Variants in HLA-DOA observed in about 807,000 individuals in gnomAD.
HLA-DOA encodes HLA class II histocompatibility antigen, DO alpha chain.
HLA-DOA carries 27 observed loss-of-function variants against 22.9 expected under a neutral mutation model. The ratio of observed to expected loss-of-function variants is 1.18; its 90% CI spans 0.87 to 1.62. The LOEUF is 1.62. HLA-DOA is among the 40% of genes most tolerant of loss of function. The pLI is 0.00. For synonymous variants in HLA-DOA, 137 were observed against 138.6 expected, an observed-to-expected ratio of 0.99 and a Z score of 0.08; for missense variants, 324 against 332.4, an observed-to-expected ratio of 0.97 and a Z score of 0.20.
chr6:33,007,017 C>G (rs1050456383), intron 4 of HLA-DOA, 63 bp downstream of exon 4: 21 of 1,559,824 alleles, frequency 1.3e-5, no homozygotes, highest in Middle Eastern at 1.7e-4. Flanking sequence ...ATTCTCCACC[C>G]ACGTCCTGTT....
rs753401888 is a variant in HLA-DOA at position 33,006,841 on chromosome 6, C to A, written c.750G>T (p.Arg250Ser). 4.3e-6 allele frequency: 7 copies of A among 1,610,596 alleles called. No homozygotes were observed. Among genetic ancestry groups the A allele is most frequent in the Non-Finnish European group, 5.1e-6 (6 of 1,177,946 alleles). The change falls in exon 5 of 5, where the codon AGG becomes AGT. Residue 250 changes from arginine to serine, a missense_variant and splice_region_variant. Coordinates refer to ENST00000229829, the MANE Select transcript of HLA-DOA (RefSeq NM_002119.4). ...GTCATTTCTCTCAGAAGGATCATTA[C>A]CTAAAATAGCAGAAAACATACGATC... ...IMGTYVSSVP[R>S] is the part of the protein sequence containing the mutation.
intron 1 of HLA-DOA, 29 bp from the exon 2 acceptor site, chr6:33,008,290 G>C: frequency 6.2e-7 from 1 of 1,602,592 alleles, no homozygotes; most frequent in Non-Finnish European, 8.5e-7. Flanking sequence ...GGGTCAAGGA[G>C]AGAGAAAAAA....
At position 33,008,186 on chromosome 6, in the gene HLA-DOA, T is replaced by C; in HGVS notation, c.158A>G (p.Asp53Gly). 2 of 1,613,048 alleles carry C rather than the reference T, an allele frequency of 1.2e-6. No individual in the cohort carries two copies. Among genetic ancestry groups the C allele is most frequent in the Non-Finnish European group, 1.7e-6 (2 of 1,180,016 alleles). ...GTCCACAGAGAACAGCTGTTCCTCA[T>C]CAAATTCATGGGTGAACTGGCCCGA... ...GASGQFTHEF[D>G]EEQLFSVDLK... The change falls in exon 2 of 5, where the codon GAT becomes GGT. Residue 53 changes from aspartate (D) to glycine (G), a missense_variant. Physicochemically the swap from Asp to Gly is moderately conservative, Grantham distance 94. Transcript: ENST00000229829.
chr6:33,007,235 G>A lies in HLA-DOA; in HGVS notation c.614-20C>T, dbSNP rs746169909. ...GGAGCTCTAGGAGAGAAAGGAAGGA[G>A]TTGGTGGTATATGAAAGGATTCTAG... On this transcript the variant is annotated intron_variant, in intron 3 of 4. Coordinates refer to ENST00000229829, the MANE Select transcript of HLA-DOA (RefSeq NM_002119.4). 2.5e-6 allele frequency: 4 copies of A among 1,613,644 alleles called. No individual in the cohort carries two copies. The highest frequency in any genetic ancestry group is 3.4e-6 in the Non-Finnish European group (4 of 1,180,034).
rs1164422510 is a variant in HLA-DOA, at chr6:33,007,057, C to T, written c.749+23G>A. 3 of 1,596,234 alleles carry T rather than the reference C, an allele frequency of 1.9e-6. No homozygotes were observed. In the East Asian group the frequency reaches 6.7e-5, roughly 36 times the overall value. On this transcript the variant is annotated intron_variant, in intron 4 of 4. Coordinates refer to ENST00000229829, the MANE Select transcript of HLA-DOA (RefSeq NM_002119.4). ...GTCATCCACTTTCCTCCCCCACCCC[C>T]CAGACTCCCGGGGCCTCTGCACCTG...
In HLA-DOA at chr6:33,007,212, A is replaced by G; in HGVS notation, c.617T>C (p.Leu206Pro). 9 of 1,613,776 alleles carry G rather than the reference A, an allele frequency of 5.6e-6. No individual in the cohort carries two copies. The highest frequency in any genetic ancestry group is 7.6e-6 in the Non-Finnish European group (9 of 1,180,022). Residue 206 changes from leucine to proline, a missense_variant, in exon 4 of 5, where the codon CTC (leucine) becomes CCC (proline). Physicochemically the swap from Leu to Pro is moderately conservative, Grantham distance 98. Coordinates refer to ENST00000229829, the MANE Select transcript of HLA-DOA (RefSeq NM_002119.4). ...LDAPLLRHWELQVPIPPPDAM... is the reference protein window; with the variant it reads ...LDAPLLRHWEPQVPIPPPDAM... The stretch of plus-strand genomic sequence containing the variant: ...ATCTGGTGGTGGAATAGGCACCTGG[A>G]GCTCTAGGAGAGAAAGGAAGGAGTT...
Position 33,007,142 on chromosome 6 carries a change from C to A in HLA-DOA, c.687G>T (p.Leu229=), listed in dbSNP as rs150627074. ...GGACGGTGCCCACGAGGAAGCCCAC[C>A]AGGCCGATGGCCAGGCCCAGGGCAC... is the stretch of plus-strand genomic sequence containing the variant. ...LVCALGLAIG[L]VGFLVGTVLI... is the part of the protein sequence containing the mutation. Residue 229 remains leucine (L), a synonymous_variant, in exon 4 of 5, where the codon CTG becomes CTT. Transcript: ENST00000229829. The A allele has an allele frequency of 6.2e-7, 1 of 1,613,942 alleles. No individual in the cohort carries two copies. Among genetic ancestry groups the A allele is most frequent in the East Asian group, 2.2e-5 (1 of 44,882 alleles).
In HLA-DOA at chr6:33,008,167, A is replaced by G. The variant is rs1582986182; in HGVS notation, c.177T>C (p.Ser59=). ...CGGCCTCGCTTTTCTTCAGGTCCAC[A>G]GAGAACAGCTGTTCCTCATCAAATT... ...THEFDEEQLF[S]VDLKKSEAVW... is the part of the protein sequence containing the mutation. Residue 59 remains serine (S), a synonymous_variant, in exon 2 of 5, where the codon TCT becomes TCC. Transcript: ENST00000229829. The G allele has an allele frequency of 1.2e-6, 2 of 1,613,094 alleles. No individual in the cohort carries two copies. Among genetic ancestry groups the G allele is most frequent in the South Asian group, 2.2e-5 (2 of 91,086 alleles).
chr6:33,007,911 G>A (rs1780892515), intron 2 of HLA-DOA, 102 bp downstream of exon 2: 2 of 1,434,488 alleles, frequency 1.4e-6, no homozygotes, highest in Non-Finnish European at 1.9e-6. Context: ...TGACAGGCGC[G>A]GGCGCTGAGA....
Position 33,008,000 on chromosome 6 carries a change from G to C in HLA-DOA, c.331+13C>G. On this transcript the variant is annotated intron_variant, in intron 2 of 4. Transcript: ENST00000229829. The stretch of plus-strand genomic sequence containing the variant: ...TTCCCGCCTGACTGGGTGGGCAGAG[G>C]GAGGGCCGGTACCGTTGATGGCTCT... 2 of 1,605,064 alleles carry C rather than the reference G, an allele frequency of 1.2e-6. No homozygotes were observed. Among genetic ancestry groups the C allele is most frequent in the Non-Finnish European group, 1.7e-6 (2 of 1,174,282 alleles).
At chr6:33,008,966 G>A (rs1780945811) in intron 1 of HLA-DOA, among the ~76,000 whole-genome samples, 1 of 152,100 alleles carries the variant, frequency 6.6e-6, no homozygotes, top group South Asian at 2.1e-4. Context: ...GAACTAGCAT[G>A]CACCCAGCAC....
In HLA-DOA at chr6:33,008,249, C is replaced by T. The variant is rs916016859; in HGVS notation, c.95G>A (p.Gly32Asp). The T allele has an allele frequency of 1.2e-6, 2 of 1,612,776 alleles. No individual in the cohort carries two copies. The highest frequency in any genetic ancestry group is 1.7e-6 in the Non-Finnish European group (2 of 1,179,958). ...EAGATKADHM[G>D]SYGPAFYQSY... ...CTGGTAGAAGGCGGGTCCGTAGGAG[C>T]CCATGTGGTCAGCTGTGTTTGGCGA... The change falls in exon 2 of 5, where the codon GGC (glycine) becomes GAC (aspartate). Residue 32 changes from glycine to aspartate, a missense_variant. Physicochemically the swap from Gly to Asp is moderately conservative, Grantham distance 94. Coordinates refer to ENST00000229829, the MANE Select transcript of HLA-DOA (RefSeq NM_002119.4).
chr6:33,007,129 C>G lies in HLA-DOA; in HGVS notation c.700G>C (p.Val234Leu). 1 of 1,613,824 alleles carries G rather than the reference C, an allele frequency of 6.2e-7. No individual in the cohort carries two copies. Among genetic ancestry groups the G allele is most frequent in the Non-Finnish European group, 8.5e-7 (1 of 1,180,002 alleles). Residue 234 changes from valine (V) to leucine (L), a missense_variant, in exon 4 of 5, where the codon GTG becomes CTG. Physicochemically the swap from Val to Leu is conservative, Grantham distance 32. Transcript: ENST00000229829. ...CCCATGATGATGAGGACGGTGCCCA[C>G]GAGGAAGCCCACCAGGCCGATGGCC... ...GLAIGLVGFL[V>L]GTVLIIMGTY...
At chr6:33,007,768 G>T in intron 2 of HLA-DOA, 176 bp from the exon 3 acceptor site, 2 of 840,138 alleles carry the variant, frequency 2.4e-6, no homozygotes, top group Non-Finnish European at 3.6e-6. Flanking sequence ...GAGGGAGTGG[G>T]GACGCCAGGA....
chr6:33,008,895 T>C (rs545528927), intron 1 of HLA-DOA, among the ~76,000 whole-genome samples: 1 of 152,190 alleles, frequency 6.6e-6, no homozygotes, highest in South Asian at 2.1e-4. Flanking sequence ...TTCTGGAAGT[T>C]AGGGATTAAG....
chr6:33,008,268 T>C lies in HLA-DOA; in HGVS notation c.83-7A>G. ...TAGGAGCCCATGTGGTCAGCTGTGT[T>C]TGGCGAGTTCAGGGTCAAGGAGAGA... On this transcript the variant is annotated splice_region_variant and splice_polypyrimidine_tract_variant and intron_variant, in intron 1 of 4. Coordinates refer to ENST00000229829, the MANE Select transcript of HLA-DOA (RefSeq NM_002119.4). 1.9e-6 allele frequency: 3 copies of C among 1,612,124 alleles called. No individual in the cohort carries two copies. The highest frequency in any genetic ancestry group is 2.5e-6 in the Non-Finnish European group (3 of 1,179,654).
rs1303154418 is a variant in HLA-DOA, at chr6:33,007,434, A to G, written c.490T>C (p.Tyr164His). The change falls in exon 3 of 5, where the codon TAT (tyrosine) becomes CAT (histidine). Residue 164 changes from tyrosine to histidine, a missense_variant. Transcript: ENST00000229829. ...VTEGVAQTSFYSQPDHLFRKF... is the reference protein window; with the variant it reads ...VTEGVAQTSFHSQPDHLFRKF... The stretch of plus-strand genomic sequence containing the variant: ...CGGAACAAATGGTCAGGCTGGGAAT[A>G]GAAGCTGGTCTGGGCCACTCCCTCA... 2 of 1,609,588 alleles carry G rather than the reference A, an allele frequency of 1.2e-6. No individual in the cohort carries two copies. The highest frequency in any genetic ancestry group is 3.3e-5 in the Admixed American group (2 of 59,752).
In HLA-DOA at chr6:33,007,062, C is replaced by A; in HGVS notation, c.749+18G>T. 6.3e-7 allele frequency: 1 copy of A among 1,599,782 alleles called. No homozygotes were observed. The highest frequency in any genetic ancestry group is 1.1e-5 in the South Asian group (1 of 89,580). Reference sequence around the variant, plus strand: ...CCACTTTCCTCCCCCACCCCCCAGACTCCCGGGGCCTCTGCACCTGGGGAC... The same window carrying A: ...CCACTTTCCTCCCCCACCCCCCAGAATCCCGGGGCCTCTGCACCTGGGGAC... On this transcript the variant is annotated intron_variant, in intron 4 of 4. Transcript: ENST00000229829.
Position 33,006,777 on chromosome 6 carries a change from G to C in HLA-DOA, c.*61C>G, listed in dbSNP as rs190487915. 76 of 1,612,956 alleles carry C rather than the reference G, an allele frequency of 4.7e-5. No homozygotes were observed. The African/African-American group carries it at 8.3e-4, about 18-fold the overall frequency. ...AAAGGGCACTGAGCACGCAGGGGCT[G>C]TCACAAACCCATGAGGATCTGCAGG... On this transcript the variant is annotated 3_prime_UTR_variant, in exon 5 of 5. Transcript: ENST00000229829.
Sources: allele counts gnomAD v4.1 joint callset (sites outside exome capture counted in the v4.1 genomes callset), GRCh38; gene constraint gnomAD v4.1.1; transcripts MANE v1.5; gene names NCBI Gene and HGNC (gene_info 2026-07-23, HGNC 2026-07-21).